Variants in FANCL observed in about 807,000 individuals in gnomAD.
FANCL encodes the protein FA complementation group L.
A neutral mutation model predicts 59.4 loss-of-function variants in FANCL; 69 were observed. That is an observed-to-expected ratio of 1.16 (90% CI 0.96 to 1.42). FANCL has a LOEUF of 1.42. FANCL is among the 40% of genes most tolerant of loss of function. FANCL has a pLI of 0.00. For missense variants in FANCL, 519 were observed against 447.2 expected (o/e 1.16, Z -1.45); for synonymous variants, 180 against 147.1 (o/e 1.22, Z -1.62).
Position 58,241,218 on chromosome 2 carries a change from C to G in FANCL, c.96G>C (p.Gln32His), listed in dbSNP as rs1471802987. The G allele has an allele frequency of 6.2e-7, 1 of 1,614,146 alleles. No individual in the cohort carries two copies. Among genetic ancestry groups the G allele is most frequent in the African/African-American group, 1.3e-5 (1 of 74,960 alleles). Reference sequence around the variant, plus strand: ...TAGAAAGCAACCACTGGGCGGGTACCTGAGCCGAGATGAATCCCTCATACA... The same window carrying G: ...TAGAAAGCAACCACTGGGCGGGTACGTGAGCCGAGATGAATCCCTCATACA... ...KTVYEGFISA[Q>H]GRDFHLRIVL... The change falls in exon 1 of 14, where the codon CAG (glutamine) becomes CAC (histidine). Residue 32 changes from glutamine (Q) to histidine (H), a missense_variant and splice_region_variant. By Grantham distance (24) the Gln-to-His change is conservative. Coordinates refer to ENST00000233741, the MANE Select transcript of FANCL (RefSeq NM_018062.4).
At chr2:58,192,862 A>AAAC (rs896206856) in intron 7 of FANCL, among the ~76,000 whole-genome samples, 7 of 152,124 alleles carry the variant, frequency 4.6e-5, no homozygotes, top group Admixed American at 4.6e-4. Flanking sequence ...AAGAAAACAA[A>AAAC]AACAACAACA....
intron 1 of FANCL, among the ~76,000 whole-genome samples, chr2:58,232,315 C>T (rs1693660396): frequency 6.6e-6 from 1 of 151,990 alleles, no homozygotes; most frequent in African/African-American, 2.4e-5. Context: ...CTTACAAAAA[C>T]TTTGTAGTTA....
intron 7 of FANCL, among the ~76,000 whole-genome samples, chr2:58,183,932 T>A (rs148873430): frequency 6.6e-6 from 1 of 152,126 alleles, no homozygotes; most frequent in East Asian, 1.9e-4. Flanking sequence ...CAAGACATAC[T>A]CAGCCTCTCT....
intron 7 of FANCL, among the ~76,000 whole-genome samples, chr2:58,174,196 T>G (rs1687013588): frequency 6.6e-6 from 1 of 152,024 alleles, no homozygotes; most frequent in South Asian, 2.1e-4. Flanking sequence ...ATGGGAGAAT[T>G]TAACACCCCA....
chr2:58,171,266 A>G (rs1338540201), intron 7 of FANCL, among the ~76,000 whole-genome samples: 2 of 152,214 alleles, frequency 1.3e-5, no homozygotes, highest in African/African-American at 4.8e-5. Context: ...CTTCTCCTGA[A>G]TGACTACTGA....
intron 7 of FANCL, among the ~76,000 whole-genome samples, chr2:58,166,853 A>G (rs1207102485): frequency 6.6e-6 from 1 of 152,216 alleles, no homozygotes; most frequent in Non-Finnish European, 1.5e-5. Flanking sequence ...CAAGGTTTAC[A>G]CTTGGATGAA....
At chr2:58,217,213 T>TAC (rs1691912961) in intron 5 of FANCL, among the ~76,000 whole-genome samples, 3 of 7,746 alleles carry the variant, frequency 3.9e-4, no homozygotes, top group Admixed American at 2.3e-3. Flanking sequence ...TATATATATA[T>TAC]ATACACACAC....
intron 7 of FANCL, among the ~76,000 whole-genome samples, chr2:58,175,402 A>C (rs186464457): frequency 2.2e-4 from 33 of 150,254 alleles, no homozygotes; most frequent in South Asian, 8.3e-4. Context: ...ACTGGCAAAC[A>C]AAATCCAGCA....
chr2:58,186,897 C>A (rs1184985065), intron 7 of FANCL, among the ~76,000 whole-genome samples: 3 of 152,120 alleles, frequency 2.0e-5, no homozygotes, highest in East Asian at 3.9e-4. Flanking sequence ...GAATGGCAAT[C>A]ATTAAAAAGT....
intron 7 of FANCL, among the ~76,000 whole-genome samples, chr2:58,169,311 AG>A (rs1285506065): frequency 2.6e-5 from 4 of 152,214 alleles, no homozygotes; most frequent in African/African-American, 9.6e-5. Context: ...CCTGCAGCAG[AG>A]GGGTCTGTTA....
chr2:58,198,166 G>C (rs1490077999), intron 7 of FANCL, among the ~76,000 whole-genome samples: 1 of 151,946 alleles, frequency 6.6e-6, no homozygotes, highest in African/African-American at 2.4e-5. Flanking sequence ...AAGCATTATA[G>C]AAGGTGTGTT....
At chr2:58,162,500 T>A (rs545762577) in intron 11 of FANCL, among the ~76,000 whole-genome samples, 60 of 152,038 alleles carry the variant, frequency 3.9e-4, no homozygotes, top group African/African-American at 1.4e-3. Flanking sequence ...TACACAGATT[T>A]TTTTTTTAAC....
At chr2:58,167,690 A>C (rs1686093182) in intron 7 of FANCL, among the ~76,000 whole-genome samples, 1 of 152,218 alleles carries the variant, frequency 6.6e-6, no homozygotes, top group South Asian at 2.1e-4. Context: ...TGGTAATTAC[A>C]GAAAAAGTGA....
In FANCL at chr2:58,162,909, A is replaced by G; in HGVS notation, c.860T>C (p.Val287Ala). The G allele has an allele frequency of 6.2e-7, 1 of 1,613,004 alleles. No individual in the cohort carries two copies. The highest frequency in any genetic ancestry group is 8.5e-7 in the Non-Finnish European group (1 of 1,179,202). The change falls in exon 11 of 14, where the codon GTT (valine) becomes GCT (alanine). Residue 287 changes from valine (V) to alanine (A), a missense_variant. Coordinates refer to ENST00000233741, the MANE Select transcript of FANCL (RefSeq NM_018062.4). Reference protein sequence around the residue: ...ENSVLQNLKDVLEIDFPARAI... With the variant: ...ENSVLQNLKDALEIDFPARAI... Reference sequence around the variant, plus strand: ...ACGAGCTGGAAAATCAATTTCTAAAACATCTTTCAAATTTTGTAACACACT... The same window carrying G: ...ACGAGCTGGAAAATCAATTTCTAAAGCATCTTTCAAATTTTGTAACACACT...
chr2:58,232,969 G>T (rs1693717755), intron 1 of FANCL, among the ~76,000 whole-genome samples: 1 of 151,814 alleles, frequency 6.6e-6, no homozygotes, highest in South Asian at 2.1e-4. Context: ...CTCCCTCAAA[G>T]CAGTTTCAAA....
At position 58,232,024 on chromosome 2, in the gene FANCL, A is replaced by G. The variant is rs1210895153; in HGVS notation, c.155+30T>C. The G allele has an allele frequency of 1.9e-6, 3 of 1,605,860 alleles. No individual in the cohort carries two copies. In the South Asian group the frequency reaches 3.3e-5, roughly 18 times the overall value. ...CTGCCTGTCCCACCAAAATGCAAAA[A>G]TGCACGTTTATAACTAAACACCATA... On this transcript the variant is annotated intron_variant, in intron 2 of 13. Transcript: ENST00000233741.
intron 7 of FANCL, among the ~76,000 whole-genome samples, chr2:58,184,022 T>A (rs553620090): frequency 2.3e-4 from 35 of 151,998 alleles, no homozygotes; most frequent in Non-Finnish European, 4.3e-4. Context: ...CTTCCAGGTA[T>A]AGAAGTCAAG....
chr2:58,186,805 C>T (rs747892360), intron 7 of FANCL, among the ~76,000 whole-genome samples: 2 of 152,116 alleles, frequency 1.3e-5, no homozygotes, highest in African/African-American at 2.4e-5. Context: ...TACACCACCA[C>T]GAAGCTGACT....
intron 1 of FANCL, among the ~76,000 whole-genome samples, chr2:58,238,220 ATTC>A (rs1318309466): frequency 4.6e-5 from 7 of 152,146 alleles, no homozygotes; most frequent in Middle Eastern, 3.2e-3. Flanking sequence ...GCCCAAGACA[ATTC>A]TTCTTCTTCC....
Sources: gnomAD v4.1 joint callset for allele counts (sites outside exome capture counted in the v4.1 genomes callset) on GRCh38, gnomAD v4.1.1 for gene constraint, MANE v1.5 for transcripts, NCBI Gene and HGNC (gene_info 2026-07-23, HGNC 2026-07-21) for gene names.